Variants in PDZRN3 observed in about 807,000 individuals in gnomAD.
PDZRN3 encodes the protein E3 ubiquitin-protein ligase PDZRN3.
A neutral mutation model predicts 85.7 loss-of-function variants in PDZRN3; 38 were observed. That is an observed-to-expected ratio of 0.44 (90% CI 0.34 to 0.58). The LOEUF (loss-of-function observed/expected upper bound fraction) is 0.58, where lower values mean the gene tolerates loss of function less well. PDZRN3 is among the 20% of genes least tolerant of loss of function. The probability of loss-of-function intolerance (pLI) is 0.01; values close to 1 mark genes in which losing one functional copy is unlikely to be tolerated. For missense variants in PDZRN3, 1,629 were observed against 1,506.4 expected, an observed-to-expected ratio of 1.08 and a Z score of -1.35; for synonymous variants, 759 against 638.0, an observed-to-expected ratio of 1.19 and a Z score of -2.86.
chr3:73,422,756 G>A (rs555249439), intron 3 of PDZRN3, among the ~76,000 whole-genome samples: 21 of 152,244 alleles, frequency 1.4e-4, no homozygotes, highest in Admixed American at 2.6e-4. Flanking sequence ...AATCCATGGC[G>A]CAACTTGGAA....
chr3:73,474,587 A>C (rs1173625612), intron 3 of PDZRN3: 8 of 1,277,732 alleles, frequency 6.3e-6, no homozygotes, highest in Non-Finnish European at 8.1e-6. Context: ...CCGCAGTTTC[A>C]TTGCGATCTA....
chr3:73,491,092 G>A (rs951484491), intron 3 of PDZRN3, among the ~76,000 whole-genome samples: 1 of 152,234 alleles, frequency 6.6e-6, no homozygotes, highest in Non-Finnish European at 1.5e-5. Context: ...AAGCTCATAA[G>A]TGCGACCCTC....
intron 3 of PDZRN3, among the ~76,000 whole-genome samples, chr3:73,572,831 T>C (rs934024932): frequency 3.3e-5 from 5 of 152,200 alleles, no homozygotes; most frequent in Admixed American, 6.5e-5. Flanking sequence ...GGGAAAACTA[T>C]GCATATGTAT....
At chr3:73,423,038 G>A (rs952224692) in intron 3 of PDZRN3, among the ~76,000 whole-genome samples, 1 of 152,214 alleles carries the variant, frequency 6.6e-6, no homozygotes, top group African/African-American at 2.4e-5. Context: ...TGTACAGTAT[G>A]TGCATTACAA....
Position 73,383,190 on chromosome 3 carries a change from C to A in PDZRN3, c.*175G>T. On this transcript the variant is annotated 3_prime_UTR_variant, in exon 10 of 10. Transcript: ENST00000263666. ...TCCAAGATAGTAAGGGTGTTTTTCT[C>A]TCTCTTCCCTTAAAATAGACCTATG... 1 of 558,846 alleles carries A rather than the reference C, an allele frequency of 1.8e-6. No homozygotes were observed. Among genetic ancestry groups the A allele is most frequent in the East Asian group, 2.9e-5 (1 of 34,326 alleles). The allele number at this position is 558,846 out of a possible 1,614,324, so 34.6% of individuals were successfully genotyped here.
chr3:73,542,498 G>A (rs1701301020), intron 3 of PDZRN3, among the ~76,000 whole-genome samples: 1 of 152,150 alleles, frequency 6.6e-6, no homozygotes, highest in Admixed American at 6.5e-5. Flanking sequence ...TGCTGGCCGG[G>A]TGTGGTGGCC....
At chr3:73,418,823 C>T (rs1702142520) in intron 3 of PDZRN3, among the ~76,000 whole-genome samples, 1 of 152,196 alleles carries the variant, frequency 6.6e-6, no homozygotes, top group South Asian at 2.1e-4. Context: ...AGATGCCTTG[C>T]CTGCGTTCAC....
chr3:73,465,610 A>T (rs912769209), intron 3 of PDZRN3, among the ~76,000 whole-genome samples: 1 of 152,254 alleles, frequency 6.6e-6, no homozygotes, highest in Non-Finnish European at 1.5e-5. Flanking sequence ...AACGGCTACC[A>T]GGAAGTCACG....
chr3:73,593,925 TA>T (rs1419793092), intron 3 of PDZRN3: 1 of 152,230 alleles, frequency 6.6e-6, no homozygotes, highest in Admixed American at 6.5e-5. Flanking sequence ...TACCATGTTT[TA>T]TTTTTTTGTT....
chr3:73,513,111 G>C (rs1032484385), intron 3 of PDZRN3, among the ~76,000 whole-genome samples: 3 of 152,126 alleles, frequency 2.0e-5, no homozygotes, highest in South Asian at 2.1e-4. Flanking sequence ...AGCCTGCCAG[G>C]GCACTCTGAA....
chr3:73,482,095 G>A (rs1203697595), intron 3 of PDZRN3, among the ~76,000 whole-genome samples: 1 of 152,196 alleles, frequency 6.6e-6, no homozygotes, highest in Admixed American at 6.5e-5. Flanking sequence ...TGGAGCCATG[G>A]GTGGACTCTG....
At chr3:73,543,653 T>C (rs1348186094) in intron 3 of PDZRN3, among the ~76,000 whole-genome samples, 1 of 152,224 alleles carries the variant, frequency 6.6e-6, no homozygotes, top group African/African-American at 2.4e-5. Flanking sequence ...CACTGACAGA[T>C]GCTAGAGCAC....
intron 3 of PDZRN3, among the ~76,000 whole-genome samples, chr3:73,522,628 T>C (rs183771332): frequency 6.6e-6 from 1 of 152,232 alleles, no homozygotes; most frequent in Non-Finnish European, 1.5e-5. Context: ...TAAATGGAAC[T>C]GCAATAATTT....
intron 3 of PDZRN3, among the ~76,000 whole-genome samples, chr3:73,452,839 C>CTGTGTGTGTGTGTGTGTG (rs35308043): frequency 0.062 from 8,644 of 140,548 alleles, 316 homozygotes; most frequent in Non-Finnish European, 0.064. Context: ...GTCCATATAT[C>CTGTGTGTGTGTGTGTGTG]TGTGTGTGTG....
chr3:73,385,636 G>T (rs1370799228), intron 9 of PDZRN3, 33 bp downstream of exon 9: 2 of 1,279,720 alleles, frequency 1.6e-6, no homozygotes, highest in South Asian at 1.2e-5. Context: ...GCTCAGCAGG[G>T]CAGAGTGTCA....
At chr3:73,584,198 A>G (rs1014322692) in intron 3 of PDZRN3, among the ~76,000 whole-genome samples, 3 of 152,128 alleles carry the variant, frequency 2.0e-5, no homozygotes, top group African/African-American at 7.2e-5. Context: ...CAATGCTCTT[A>G]ATGAGCAGAA....
chr3:73,481,395 G>A (rs945090668), intron 3 of PDZRN3, among the ~76,000 whole-genome samples: 1 of 152,090 alleles, frequency 6.6e-6, no homozygotes, highest in South Asian at 2.1e-4. Context: ...CCAGGCTGGA[G>A]TGCAATGGTG....
intron 3 of PDZRN3, among the ~76,000 whole-genome samples, chr3:73,472,522 T>G (rs1016838344): frequency 6.6e-6 from 1 of 152,194 alleles, no homozygotes. Flanking sequence ...GCTGAGACAA[T>G]GCAAACATCA....
At chr3:73,526,362 CA>C (rs1375444063) in intron 3 of PDZRN3, among the ~76,000 whole-genome samples, 1 of 152,176 alleles carries the variant, frequency 6.6e-6, no homozygotes, top group Non-Finnish European at 1.5e-5. Flanking sequence ...ACCAACCCAT[CA>C]AGTATCCCCA....
Sources: gnomAD v4.1 joint callset for allele counts (sites outside exome capture counted in the v4.1 genomes callset) on GRCh38, gnomAD v4.1.1 for gene constraint, MANE v1.5 for transcripts, NCBI Gene and HGNC (gene_info 2026-07-23, HGNC 2026-07-21) for gene names.